Variants in AGO2 observed in about 807,000 individuals in gnomAD.
AGO2 encodes the protein protein argonaute-2.
AGO2 carries 5 observed loss-of-function variants against 102.3 expected under a neutral mutation model. That is an observed-to-expected ratio of 0.05 (90% CI 0.03 to 0.10). The LOEUF (loss-of-function observed/expected upper bound fraction) is 0.10, where lower values mean the gene tolerates loss of function less well. AGO2 is among the 10% of genes least tolerant of loss of function. AGO2 has a pLI of 1.00. For synonymous variants in AGO2, 449 were observed against 473.1 expected, an observed-to-expected ratio of 0.95 and a Z score of 0.66; for missense variants, 541 against 1,183.7, an observed-to-expected ratio of 0.46 and a Z score of 7.97.
At position 140,612,552 on chromosome 8, in the gene AGO2, G is replaced by A. The variant is rs376108551; in HGVS notation, c.22+22933C>T. ...AGGCTGAGGTAGGTGGATCACACGA[G>A]GAGTTTGAGACCAGCTTGGCCAACA... On this transcript the variant is annotated intron_variant, in intron 1 of 18. Coordinates refer to ENST00000220592, the MANE Select transcript of AGO2 (RefSeq NM_012154.5). 4.6e-4 allele frequency among the ~76,000 whole-genome samples: 70 copies of A among 152,164 alleles called. No individual in the cohort carries two copies. The East Asian group carries it at 0.01, about 22-fold the overall frequency.
At chr8:140,607,052 C>G (rs1025525353) in intron 1 of AGO2, among the ~76,000 whole-genome samples, 17 of 152,008 alleles carry the variant, frequency 1.1e-4, no homozygotes, top group African/African-American at 3.1e-4. Context: ...GAGTTGGAGA[C>G]CAGCCTGACC....
chr8:140,590,957 G>A (rs993379493), intron 1 of AGO2, among the ~76,000 whole-genome samples: 2 of 152,202 alleles, frequency 1.3e-5, no homozygotes, highest in Non-Finnish European at 2.9e-5. Flanking sequence ...ACAGGATGTA[G>A]CCATCCACCA....
rs55637374 is a variant in AGO2, at chr8:140,610,028, T to TAAAAAAAA, written c.23-24725_23-24718dup. 8.7e-5 allele frequency among the ~76,000 whole-genome samples: 11 copies of TAAAAAAAA among 126,568 alleles called. No homozygotes were observed. In the East Asian group the frequency reaches 2.8e-3, roughly 32 times the overall value. The allele number at this position is 126,568 out of a possible 152,430, so 83.0% of individuals were successfully genotyped here. ...GGGAAATACAGCAAGACCTTGACTC[T>TAAAAAAAA]AAAAAAAAAAAAAAAAAAAAAAAAA... On this transcript the variant is annotated intron_variant, in intron 1 of 18. Transcript: ENST00000220592.
At chr8:140,560,296 C>T (rs1307207381) in intron 5 of AGO2, 78 bp downstream of exon 5, 2 of 1,556,346 alleles carry the variant, frequency 1.3e-6, no homozygotes, top group Admixed American at 1.8e-5. Flanking sequence ...GGCCACATGC[C>T]ACCCCCCGAC....
At position 140,577,059 on chromosome 8, in the gene AGO2, T is replaced by C. The variant is rs776190335; in HGVS notation, c.216-4127A>G. On this transcript the variant is annotated intron_variant, in intron 2 of 18. Coordinates refer to ENST00000220592, the MANE Select transcript of AGO2 (RefSeq NM_012154.5). The stretch of plus-strand genomic sequence containing the variant: ...TGTCTCTACTTAAAAATACAAAAAA[T>C]TAGCTGGACGTGGTGGCGGGCACCT... Among the ~76,000 whole-genome samples, 149 of 151,802 alleles carry C rather than the reference T, an allele frequency of 9.8e-4. 3 individuals are homozygous for C. The highest frequency in any genetic ancestry group is 6.8e-3 in the Middle Eastern group (2 of 294).
At chr8:140,566,060 A>C (rs2073278759) in intron 3 of AGO2, among the ~76,000 whole-genome samples, 1 of 152,084 alleles carries the variant, frequency 6.6e-6, no homozygotes, top group African/African-American at 2.4e-5. Context: ...TTATGAATGA[A>C]TTTTTGACTG....
At chr8:140,621,103 T>A (rs2074211771) in intron 1 of AGO2, among the ~76,000 whole-genome samples, 1 of 152,110 alleles carries the variant, frequency 6.6e-6, no homozygotes, top group East Asian at 1.9e-4. Context: ...CCACATTTGC[T>A]CCATCTCTCC....
chr8:140,622,176 G>C (rs1336819167), intron 1 of AGO2, among the ~76,000 whole-genome samples: 1 of 152,210 alleles, frequency 6.6e-6, no homozygotes, highest in Non-Finnish European at 1.5e-5. Flanking sequence ...AACATACTCG[G>C]AACAGGTCAA....
In AGO2 at chr8:140,521,747, A is replaced by G. The variant is rs1283208827; in HGVS notation, c.*10297T>C. 1.3e-5 allele frequency: 2 copies of G among 152,252 alleles called. No individual in the cohort carries two copies. Among genetic ancestry groups the G allele is most frequent in the African/African-American group, 4.8e-5 (2 of 41,460 alleles). The allele number at this position is 152,252 out of a possible 1,614,324, so 9.4% of individuals were successfully genotyped here. On this transcript the variant is annotated 3_prime_UTR_variant, in exon 19 of 19. Transcript: ENST00000220592. Reference sequence around the variant, plus strand: ...GGCTCGCCCCTTTCTGTCCATGGCCATTAGCACCTCCACCAGGTAGGTCAG... The same window carrying G: ...GGCTCGCCCCTTTCTGTCCATGGCCGTTAGCACCTCCACCAGGTAGGTCAG...
chr8:140,625,009 G>GCCT (rs1554597684), intron 1 of AGO2, among the ~76,000 whole-genome samples: 1 of 152,144 alleles, frequency 6.6e-6, no homozygotes, highest in Non-Finnish European at 1.5e-5. Context: ...CTCCAGGAAG[G>GCCT]CCTCCCTGCT....
In AGO2 at chr8:140,539,344, G is replaced by C. The variant is rs1161324714; in HGVS notation, c.2145C>G (p.Leu715=). Residue 715 remains leucine, a synonymous_variant, in exon 16 of 19, where the codon CTC becomes CTG. Coordinates refer to ENST00000220592, the MANE Select transcript of AGO2 (RefSeq NM_012154.5). The surrounding 1 kb of genome is among the most constrained non-coding windows in gnomAD (Gnocchi z 4.7). ...IVVQKRHHTR[L]FCTDKNERVG... is the part of the protein sequence containing the mutation. Reference sequence around the variant, plus strand: ...CCCGCTCGTTCTTGTCAGTGCAGAAGAGCCGGGTGTGGTGCCTCTTCTGCA... The same window carrying C: ...CCCGCTCGTTCTTGTCAGTGCAGAACAGCCGGGTGTGGTGCCTCTTCTGCA... 6.2e-7 allele frequency: 1 copy of C among 1,613,146 alleles called. No individual in the cohort carries two copies. Among genetic ancestry groups the C allele is most frequent in the South Asian group, 1.1e-5 (1 of 90,992 alleles).
rs187515460 is a variant in AGO2 at position 140,632,500 on chromosome 8, G to C, written c.22+2985C>G. Among the ~76,000 whole-genome samples the C allele has an allele frequency of 3.3e-5, 5 of 152,360 alleles. No homozygotes were observed. The East Asian group carries it at 9.6e-4, about 29-fold the overall frequency. On this transcript the variant is annotated intron_variant, in intron 1 of 18. Coordinates refer to ENST00000220592, the MANE Select transcript of AGO2 (RefSeq NM_012154.5). ...ACAATCCTATTTAGACAACTGTCAA[G>C]TCTTAGATGTCACAGAGGTTACTTT...
intron 1 of AGO2, 123 bp downstream of exon 1, chr8:140,635,361 CG>C: frequency 4.9e-6 from 3 of 608,920 alleles, no homozygotes; most frequent in Non-Finnish European, 6.1e-6. Context: ...CGCCCGCCCC[CG>C]GCCCCCGCCG....
At chr8:140,605,603 A>G (rs2073987287) in intron 1 of AGO2, among the ~76,000 whole-genome samples, 1 of 152,204 alleles carries the variant, frequency 6.6e-6, no homozygotes, top group Admixed American at 6.5e-5. Context: ...CAGCTCTCGC[A>G]GGGGTGCCCA....
chr8:140,549,984 T>C (rs2072968740), intron 11 of AGO2, among the ~76,000 whole-genome samples: 1 of 152,302 alleles, frequency 6.6e-6, no homozygotes, highest in South Asian at 2.1e-4. Context: ...TCCAATTTCC[T>C]GTACATTAGA....
In AGO2 at chr8:140,602,978, T is replaced by C. The variant is rs559423165; in HGVS notation, c.23-17667A>G. On this transcript the variant is annotated intron_variant, in intron 1 of 18. Coordinates refer to ENST00000220592, the MANE Select transcript of AGO2 (RefSeq NM_012154.5). ...AGTTAACGACGATGCCTGCACGCAT[T>C]TTGGATCACAGGCCGTGCCACGTGC... 7.9e-5 allele frequency among the ~76,000 whole-genome samples: 12 copies of C among 152,332 alleles called. 1 individual carries two copies. In the South Asian group the frequency reaches 2.3e-3, roughly 29 times the overall value.
At chr8:140,562,264 A>AC (rs1169138956) in intron 4 of AGO2, among the ~76,000 whole-genome samples, 189 bp downstream of exon 4, 1 of 152,216 alleles carries the variant, frequency 6.6e-6, no homozygotes, top group East Asian at 1.9e-4. Flanking sequence ...AATGCTGGTG[A>AC]CTTATGTTTA....
chr8:140,550,516 T>C (rs1411686549), intron 11 of AGO2, among the ~76,000 whole-genome samples: 1 of 152,198 alleles, frequency 6.6e-6, no homozygotes, highest in African/African-American at 2.4e-5. Context: ...CCTGGGCAGG[T>C]GGCAGAGACC....
Position 140,526,208 on chromosome 8 carries a change from G to A in AGO2, c.*5836C>T, listed in dbSNP as rs1484317472. On this transcript the variant is annotated 3_prime_UTR_variant, in exon 19 of 19. Transcript: ENST00000220592. The surrounding 1 kb of genome is among the most constrained non-coding windows in gnomAD (Gnocchi z 5.2). ...TACAGAGTGTATAAAAGAGAGGAGA[G>A]GACAGAGGAGGCCATTTTCAACCCA... The A allele has an allele frequency of 1.3e-5, 2 of 152,154 alleles. No individual in the cohort carries two copies. Among genetic ancestry groups the A allele is most frequent in the Non-Finnish European group, 2.9e-5 (2 of 68,034 alleles). The allele number at this position is 152,154 out of a possible 1,614,324, so 9.4% of individuals were successfully genotyped here.
Sources: gnomAD v4.1 joint callset for allele counts (sites outside exome capture counted in the v4.1 genomes callset) on GRCh38, gnomAD v4.1.1 for gene constraint, Gnocchi (gnomAD v3.1) non-coding constraint, MANE v1.5 for transcripts, NCBI Gene and HGNC (gene_info 2026-07-23, HGNC 2026-07-21) for gene names.